KSR2: variants seen among roughly 807,000 people sequenced by gnomAD.
KSR2 encodes the protein kinase suppressor of ras 2.
Under a neutral mutation model 107.8 loss-of-function variants are expected in KSR2, and 25 were observed. That is an observed-to-expected ratio of 0.23 (90% confidence interval 0.17 to 0.32). KSR2 has a LOEUF of 0.32. Ranked by LOEUF, KSR2 falls within the 10% of genes least tolerant of loss-of-function variation. The pLI is 1.00. For synonymous variants in KSR2, 480 were observed against 507.0 expected (o/e 0.95, Z 0.71); for missense variants, 887 against 1,268.9 (o/e 0.70, Z 4.57).
chr12:117,734,347 A>T (rs1887854397), intron 4 of KSR2, among the ~76,000 whole-genome samples: 1 of 151,988 alleles, frequency 6.6e-6, no homozygotes, highest in Non-Finnish European at 1.5e-5. Context: ...TCTGGAATGT[A>T]CAGAGAGAAA....
chr12:117,628,235 C>T (rs1019835438), intron 5 of KSR2, among the ~76,000 whole-genome samples: 8 of 152,268 alleles, frequency 5.3e-5, no homozygotes, highest in African/African-American at 9.6e-5. Context: ...AGCTTTGTTC[C>T]GTTGCTGGTG....
At chr12:117,696,943 G>C (rs1167293321) in intron 4 of KSR2, among the ~76,000 whole-genome samples, 3 of 152,082 alleles carry the variant, frequency 2.0e-5, no homozygotes, top group Non-Finnish European at 4.4e-5. Context: ...TTCACATCAC[G>C]ACACACCCAG....
At chr12:117,949,663 G>A (rs1049806963) in intron 1 of KSR2, among the ~76,000 whole-genome samples, 3 of 152,148 alleles carry the variant, frequency 2.0e-5, no homozygotes, top group Non-Finnish European at 4.4e-5. Context: ...AGTACATGAT[G>A]TATGATTTCA....
intron 4 of KSR2, among the ~76,000 whole-genome samples, chr12:117,731,874 A>G (rs1172722898): frequency 7.0e-6 from 1 of 142,784 alleles, no homozygotes. Context: ...CCTAATCTCA[A>G]GTACCCAGGG....
chr12:117,541,817 C>T (rs1876511473), intron 9 of KSR2, among the ~76,000 whole-genome samples: 1 of 151,156 alleles, frequency 6.6e-6, no homozygotes, highest in African/African-American at 2.4e-5. Flanking sequence ...CACTCCACTG[C>T]CACTAGATCC....
At chr12:117,642,019 A>T in intron 5 of KSR2, among the ~76,000 whole-genome samples, 1 of 151,974 alleles carries the variant, frequency 6.6e-6, no homozygotes, top group East Asian at 1.9e-4. Flanking sequence ...CTTCCATCCC[A>T]TCCCCGTTCA....
intron 9 of KSR2, among the ~76,000 whole-genome samples, chr12:117,547,598 G>A (rs1224938142): frequency 6.6e-6 from 1 of 152,094 alleles, no homozygotes; most frequent in Non-Finnish European, 1.5e-5. Context: ...TTGCTGTTAT[G>A]GGTAGGTAGG....
At chr12:117,591,618 AG>A (rs1342442860) in intron 5 of KSR2, among the ~76,000 whole-genome samples, 1 of 152,002 alleles carries the variant, frequency 6.6e-6, no homozygotes, top group Admixed American at 6.6e-5. Context: ...GGCTAGAGGT[AG>A]GACATTGGAG....
In KSR2 at chr12:117,572,491, C is replaced by T. The variant is rs543904564; in HGVS notation, c.1325+6628G>A. 3.5e-4 allele frequency among the ~76,000 whole-genome samples: 53 copies of T among 152,096 alleles called. 1 individual carries two copies. Among genetic ancestry groups the T allele is most frequent in the Admixed American group, 2.7e-3 (41 of 15,288 alleles). ...GAACTGACAGTGACTGTGAGCATCT[C>T]GAGGACAAGTTTTTCTTTTTCACCC... is the stretch of plus-strand genomic sequence containing the variant. On this transcript the variant is annotated intron_variant, in intron 7 of 19. Transcript: ENST00000339824.
At chr12:117,745,842 G>A (rs892237633) in intron 4 of KSR2, among the ~76,000 whole-genome samples, 13 of 152,006 alleles carry the variant, frequency 8.6e-5, no homozygotes, top group African/African-American at 3.1e-4. Context: ...CTGCTATAAA[G>A]AGAATAAAAT....
At chr12:117,674,327 A>G (rs1403438291) in intron 4 of KSR2, 1 of 499,124 alleles carries the variant, frequency 2.0e-6, no homozygotes, top group Admixed American at 2.1e-5. Flanking sequence ...ACTCACTTGC[A>G]TTTGGTTCCA....
chr12:117,594,138 T>C (rs955081316), intron 5 of KSR2, among the ~76,000 whole-genome samples: 2 of 152,204 alleles, frequency 1.3e-5, no homozygotes, highest in Non-Finnish European at 2.9e-5. Flanking sequence ...ATGTTTCTCA[T>C]TATGTAGCCA....
At chr12:117,877,203 G>T (rs536848498) in intron 1 of KSR2, among the ~76,000 whole-genome samples, 28 of 152,236 alleles carry the variant, frequency 1.8e-4, no homozygotes, top group Middle Eastern at 3.4e-3. Context: ...TGGGCATGGT[G>T]GTGGGCGCCT....
chr12:117,519,721 A>C (rs1481198286), intron 14 of KSR2, among the ~76,000 whole-genome samples: 3 of 152,052 alleles, frequency 2.0e-5, no homozygotes, highest in Non-Finnish European at 4.4e-5. Flanking sequence ...ACAGGAGAGA[A>C]AGAAGAGAAG....
At chr12:117,532,225 A>C (rs1380800409) in intron 10 of KSR2, among the ~76,000 whole-genome samples, 2 of 152,220 alleles carry the variant, frequency 1.3e-5, no homozygotes, top group Non-Finnish European at 2.9e-5. Flanking sequence ...CTGGAGGACA[A>C]AAGTCTGAAA....
chr12:117,454,625 T>A lies in KSR2; in HGVS notation c.*12574A>T, dbSNP rs1870506265. 3 of 152,210 alleles carry A rather than the reference T, an allele frequency of 2.0e-5. No homozygotes were observed. In the South Asian group the frequency reaches 6.2e-4, roughly 32 times the overall value. The allele number at this position is 152,210 out of a possible 1,614,324, so 9.4% of individuals were successfully genotyped here. On this transcript the variant is annotated 3_prime_UTR_variant, in exon 20 of 20. Transcript: ENST00000339824. The stretch of plus-strand genomic sequence containing the variant: ...CTGTAACAAACCAGCATTTTGCCCA[T>A]CATACCTGAAATGTTTAGTTAGAGA...
intron 5 of KSR2, among the ~76,000 whole-genome samples, chr12:117,608,122 T>C (rs1881396969): frequency 6.6e-6 from 1 of 152,226 alleles, no homozygotes; most frequent in Admixed American, 6.5e-5. Context: ...CCAGCTCTGC[T>C]GCTTACAAAC....
chr12:117,637,690 T>TTTG (rs1188961367), intron 5 of KSR2, among the ~76,000 whole-genome samples: 1,806 of 137,730 alleles, frequency 0.013, 101 homozygotes, highest in African/African-American at 0.047. Context: ...TTTTTTTTTT[T>TTTG]TTTTTTTTTG....
In KSR2 at chr12:117,660,676, G is replaced by A. The variant is rs537836763; in HGVS notation, c.1171+6798C>T. ...CCACAATTCAACCCATGACAAGGCC[G>A]AATCTACCTCATTAAACAGGGGTGG... is the stretch of plus-strand genomic sequence containing the variant. On this transcript the variant is annotated intron_variant, in intron 5 of 19. Transcript: ENST00000339824. Among the ~76,000 whole-genome samples, 113 of 152,248 alleles carry A rather than the reference G, an allele frequency of 7.4e-4. 1 individual carries two copies. Among genetic ancestry groups the A allele is most frequent in the Non-Finnish European group, 1.3e-3 (89 of 68,014 alleles).
Sources: gnomAD v4.1 joint callset for allele counts (sites outside exome capture counted in the v4.1 genomes callset) on GRCh38, gnomAD v4.1.1 for gene constraint, MANE v1.5 for transcripts, NCBI Gene and HGNC (gene_info 2026-07-23, HGNC 2026-07-21) for gene names.